Variants in OPCML observed in about 807,000 individuals in gnomAD.
OPCML encodes opioid binding protein/cell adhesion molecule like.
Under a neutral mutation model 37.8 loss-of-function variants are expected in OPCML, and 13 were observed. That is an observed-to-expected ratio of 0.34 (90% CI 0.22 to 0.55). OPCML has a LOEUF of 0.55. Ranked by LOEUF, OPCML falls within the 20% of genes least tolerant of loss-of-function variation. The pLI, the probability that OPCML is intolerant of heterozygous loss-of-function variation, is 0.91. For missense variants in OPCML, 341 were observed against 435.6 expected (o/e 0.78, Z 1.93); for synonymous variants, 176 against 168.8 (o/e 1.04, Z -0.33).
chr11:133,486,352 A>G (rs2120394705), intron 1 of OPCML, among the ~76,000 whole-genome samples: 1 of 152,322 alleles, frequency 6.6e-6, no homozygotes, highest in East Asian at 1.9e-4. Context: ...AAGGTCACCA[A>G]TTACTTTTGC....
chr11:132,466,846 A>T (rs1168575540), intron 4 of OPCML, among the ~76,000 whole-genome samples: 3 of 152,182 alleles, frequency 2.0e-5, no homozygotes, highest in Non-Finnish European at 4.4e-5. Flanking sequence ...AAAGAAACTG[A>T]GGCAGGTAAT....
chr11:132,742,046 A>C (rs1246018725), intron 2 of OPCML, among the ~76,000 whole-genome samples: 1 of 152,128 alleles, frequency 6.6e-6, no homozygotes, highest in East Asian at 1.9e-4. Flanking sequence ...AAAAAAATTA[A>C]AAAATAAATA....
At chr11:132,706,538 G>A (rs887199528) in intron 2 of OPCML, among the ~76,000 whole-genome samples, 2 of 152,166 alleles carry the variant, frequency 1.3e-5, no homozygotes, top group African/African-American at 4.8e-5. Context: ...AGATGTGTTT[G>A]AGGAGAAGTG....
chr11:132,640,234 C>T (rs1022153330), intron 3 of OPCML, among the ~76,000 whole-genome samples: 1 of 152,094 alleles, frequency 6.6e-6, no homozygotes, highest in Non-Finnish European at 1.5e-5. Context: ...TCATCTCTAA[C>T]GAAAGGCAAT....
chr11:133,254,996 G>A (rs957812967), intron 1 of OPCML, among the ~76,000 whole-genome samples: 6 of 152,202 alleles, frequency 3.9e-5, no homozygotes, highest in African/African-American at 1.2e-4. Flanking sequence ...TCAAAGACAT[G>A]CTAGGTTTTT....
At chr11:132,739,715 G>C (rs1945376877) in intron 2 of OPCML, among the ~76,000 whole-genome samples, 1 of 152,130 alleles carries the variant, frequency 6.6e-6, no homozygotes, top group African/African-American at 2.4e-5. Context: ...AAAAATTTGT[G>C]TTCATTATAT....
intron 1 of OPCML, among the ~76,000 whole-genome samples, chr11:133,283,082 TGAGGGACTGTTGG>T (rs1275731203): frequency 2.6e-5 from 4 of 152,148 alleles, no homozygotes; most frequent in African/African-American, 7.2e-5. Flanking sequence ...GTTAAGGCTT[TGAGGGACTGTTGG>T]GAAGAGGTGA....
chr11:132,904,431 C>T (rs529014374), intron 2 of OPCML, among the ~76,000 whole-genome samples: 1 of 152,358 alleles, frequency 6.6e-6, no homozygotes, highest in African/African-American at 2.4e-5. Context: ...GTCATCTTGA[C>T]AGATCTATTC....
chr11:133,013,761 C>G (rs1947265469), intron 1 of OPCML, among the ~76,000 whole-genome samples: 1 of 152,140 alleles, frequency 6.6e-6, no homozygotes, highest in South Asian at 2.1e-4. Flanking sequence ...TTTATTTGTA[C>G]CTGCTGCAGG....
chr11:133,258,446 G>A (rs1408013107), intron 1 of OPCML, among the ~76,000 whole-genome samples: 6 of 152,154 alleles, frequency 3.9e-5, no homozygotes, highest in Admixed American at 6.5e-5. Flanking sequence ...CGATGAGCAC[G>A]TGACCTACAG....
intron 1 of OPCML, among the ~76,000 whole-genome samples, chr11:133,194,144 C>G (rs976756751): frequency 6.6e-6 from 1 of 151,912 alleles, no homozygotes; most frequent in Non-Finnish European, 1.5e-5. Context: ...AAACCTGACT[C>G]CCTCCACTCA....
intron 1 of OPCML, among the ~76,000 whole-genome samples, chr11:133,062,660 C>T (rs1443865802): frequency 6.6e-6 from 1 of 152,220 alleles, no homozygotes; most frequent in Non-Finnish European, 1.5e-5. Context: ...TGCGTCACCG[C>T]ACCCAAGACT....
chr11:133,373,894 T>C (rs1944741106), intron 1 of OPCML, among the ~76,000 whole-genome samples: 1 of 152,218 alleles, frequency 6.6e-6, no homozygotes, highest in South Asian at 2.1e-4. Context: ...ATAATATGTT[T>C]AACCACTTAT....
intron 1 of OPCML, among the ~76,000 whole-genome samples, chr11:133,210,953 G>C (rs1230456259): frequency 6.6e-6 from 1 of 152,000 alleles, no homozygotes; most frequent in African/African-American, 2.4e-5. Context: ...TCAGATTTTT[G>C]AACATTGCCA....
intron 1 of OPCML, among the ~76,000 whole-genome samples, chr11:133,441,319 T>C (rs1028831412): frequency 7.0e-4 from 106 of 152,042 alleles, no homozygotes; most frequent in African/African-American, 2.5e-3. Flanking sequence ...AAAAAGCCTA[T>C]TGTAATAAAA....
chr11:133,147,091 G>A (rs554304480), intron 1 of OPCML, among the ~76,000 whole-genome samples: 20 of 152,270 alleles, frequency 1.3e-4, no homozygotes, highest in Admixed American at 5.2e-4. Context: ...AACAGGGCAC[G>A]GCACCCAATC....
In OPCML at chr11:132,850,041, T is replaced by C. The variant is rs572079454; in HGVS notation, c.146+92885A>G. Among the ~76,000 whole-genome samples, 3 of 152,288 alleles carry C rather than the reference T, an allele frequency of 2.0e-5. No individual in the cohort carries two copies. The South Asian group carries it at 6.2e-4, about 32-fold the overall frequency. On this transcript the variant is annotated intron_variant, in intron 2 of 7. Coordinates refer to ENST00000524381, the MANE Select transcript of OPCML (RefSeq NM_001012393.5). ...GTCATCTTTAACCTGAGAGTAAGGA[T>C]GGGAAAGACAAACTTTCCTGTACCA... is the stretch of plus-strand genomic sequence containing the variant.
intron 1 of OPCML, among the ~76,000 whole-genome samples, chr11:132,954,083 T>G (rs1419426976): frequency 6.6e-6 from 1 of 152,194 alleles, no homozygotes; most frequent in African/African-American, 2.4e-5. Flanking sequence ...TCATTTATTT[T>G]GTTAACTAAT....
intron 1 of OPCML, among the ~76,000 whole-genome samples, chr11:133,095,293 T>G (rs1353016505): frequency 2.1e-5 from 3 of 146,152 alleles, no homozygotes; most frequent in Admixed American, 6.9e-5. Flanking sequence ...TTTTTTTTTT[T>G]TTTTTTTTTT....
Sources: allele counts gnomAD v4.1 joint callset (sites outside exome capture counted in the v4.1 genomes callset), GRCh38; gene constraint gnomAD v4.1.1; transcripts MANE v1.5; gene names NCBI Gene and HGNC (gene_info 2026-07-23, HGNC 2026-07-21).